Variants in DBT observed in about 807,000 individuals in gnomAD.
DBT encodes dihydrolipoamide branched chain transacylase E2.
Under a neutral mutation model 51.3 loss-of-function variants are expected in DBT, and 40 were observed. The ratio of observed to expected loss-of-function variants is 0.78; its 90% CI spans 0.61 to 1.02. The LOEUF (loss-of-function observed/expected upper bound fraction) is 1.02. Ranked by LOEUF, DBT falls within the 50% of genes least tolerant of loss-of-function variation. The pLI, the probability that DBT is intolerant of heterozygous loss-of-function variation, is 0.00. For missense variants in DBT, 510 were observed against 580.2 expected (o/e 0.88, Z 1.24); for synonymous variants, 181 against 190.4 (o/e 0.95, Z 0.41).
intron 3 of DBT, among the ~76,000 whole-genome samples, chr1:100,233,329 A>T (rs1273379829): frequency 6.6e-6 from 1 of 152,072 alleles, no homozygotes; most frequent in Non-Finnish European, 1.5e-5. Flanking sequence ...AAATTTAAGT[A>T]TTTTTTTTCT....
At chr1:100,206,010 G>A (rs1372538928) in intron 10 of DBT, among the ~76,000 whole-genome samples, 1 of 150,568 alleles carries the variant, frequency 6.6e-6, no homozygotes, top group Non-Finnish European at 1.5e-5. Flanking sequence ...AAACCACCAT[G>A]GCAGGTGTAT....
At chr1:100,223,471 G>T (rs1250966989) in intron 4 of DBT, among the ~76,000 whole-genome samples, 1 of 152,100 alleles carries the variant, frequency 6.6e-6, no homozygotes, top group Non-Finnish European at 1.5e-5. Context: ...TGTTTTGTGT[G>T]TGCGTGTTTT....
At position 100,214,583 on chromosome 1, in the gene DBT, C is replaced by A. The variant is rs939140082; in HGVS notation, c.939+234G>T. On this transcript the variant is annotated intron_variant, in intron 7 of 10. Coordinates refer to ENST00000370132, the MANE Select transcript of DBT (RefSeq NM_001918.5). The stretch of plus-strand genomic sequence containing the variant: ...CAGCCTGACCAACATGGCGAAACCA[C>A]GTGTCTACTAAAAATACAAAATTAG... 3.9e-5 allele frequency among the ~76,000 whole-genome samples: 6 copies of A among 152,150 alleles called. No individual in the cohort carries two copies. The East Asian group carries it at 1.2e-3, about 29-fold the overall frequency.
chr1:100,222,375 T>C (rs1662900385), intron 4 of DBT, among the ~76,000 whole-genome samples: 1 of 152,222 alleles, frequency 6.6e-6, no homozygotes, highest in Non-Finnish European at 1.5e-5. Context: ...TTGTAAATAA[T>C]GCATATGTAA....
Position 100,240,760 on chromosome 1 carries a change from C to G in DBT, c.175+1G>C. 2 of 1,593,948 alleles carry G rather than the reference C, an allele frequency of 1.3e-6. No individual in the cohort carries two copies. Among genetic ancestry groups the G allele is most frequent in the Non-Finnish European group, 1.7e-6 (2 of 1,163,134 alleles). The stretch of plus-strand genomic sequence containing the variant: ...ACACGTTATTTTGAAATCATACTTA[C>G]CAGCAGTTGTTTTCAGGAAGTGATG... On this transcript the variant is annotated splice_donor_variant, in intron 2 of 10. Transcript: ENST00000370132. LOFTEE classifies it high-confidence loss of function.
rs1421063351 is a variant in DBT at position 100,196,277 on chromosome 1, A to C, written c.1427T>G (p.Phe476Cys). 3 of 1,614,010 alleles carry C rather than the reference A, an allele frequency of 1.9e-6. No individual in the cohort carries two copies. The highest frequency in any genetic ancestry group is 2.5e-6 in the Non-Finnish European group (3 of 1,179,984). The change falls in exon 11 of 11, where the codon TTT becomes TGT. Residue 476 changes from phenylalanine (F) to cysteine (C), a missense_variant. Transcript: ENST00000370132. ...LWKSYLENPA[F>C]MLLDLK is the part of the protein sequence containing the mutation. ...TCTTCATTTCAGATCTAGTAGCATA[A>C]AAGCTGGGTTTTCTAAATAGGATTT...
intron 8 of DBT, among the ~76,000 whole-genome samples, chr1:100,208,754 A>G (rs1361039349): frequency 6.6e-6 from 1 of 151,344 alleles, no homozygotes; most frequent in Non-Finnish European, 1.5e-5. Flanking sequence ...AAAAAAGTAC[A>G]AAAATTAGCT....
intron 10 of DBT, among the ~76,000 whole-genome samples, chr1:100,201,677 G>A (rs1661441951): frequency 6.6e-6 from 1 of 152,172 alleles, no homozygotes. Flanking sequence ...TACCCACAAA[G>A]GGAAGCCCAT....
rs897279889 is a variant in DBT at position 100,202,384 on chromosome 1, A to G, written c.1281+3846T>C. Among the ~76,000 whole-genome samples, 6 of 152,216 alleles carry G rather than the reference A, an allele frequency of 3.9e-5. No individual in the cohort carries two copies. The East Asian group carries it at 9.6e-4, about 24-fold the overall frequency. On this transcript the variant is annotated intron_variant, in intron 10 of 10. Transcript: ENST00000370132. ...ACTATCCTAAATATATATGCACCCA[A>G]TACAGGAGCATCCAGATTCATAAAG...
intron 10 of DBT, among the ~76,000 whole-genome samples, chr1:100,202,701 C>G (rs62243433): frequency 2.0e-5 from 3 of 152,206 alleles, no homozygotes; most frequent in Admixed American, 2.0e-4. Context: ...TCAGCAAATG[C>G]AAAAGAATGG....
chr1:100,211,594 C>A (rs1441686372), intron 7 of DBT, among the ~76,000 whole-genome samples: 1 of 152,106 alleles, frequency 6.6e-6, no homozygotes, highest in Non-Finnish European at 1.5e-5. Context: ...CTTCTCAGTG[C>A]ATCGGGGTCT....
At chr1:100,241,757 G>A (rs1371623321) in intron 1 of DBT, among the ~76,000 whole-genome samples, 1 of 152,110 alleles carries the variant, frequency 6.6e-6, no homozygotes, top group African/African-American at 2.4e-5. Flanking sequence ...GGTGGCTCAC[G>A]CCTGTAATCC....
chr1:100,213,729 G>T (rs776817124), intron 7 of DBT: 11 of 1,559,910 alleles, frequency 7.1e-6, no homozygotes, highest in Non-Finnish European at 9.5e-6. Flanking sequence ...TGTAAATGTT[G>T]TGTTCAATAG....
intron 5 of DBT, 113 bp downstream of exon 5, chr1:100,218,513 A>G: frequency 8.3e-7 from 1 of 1,203,946 alleles, no homozygotes; most frequent in Non-Finnish European, 1.2e-6. Flanking sequence ...AAATATCTTC[A>G]TGTTTCCTTA....
At position 100,189,958 on chromosome 1, in the gene DBT, G is replaced by A. The variant is rs1660736931; in HGVS notation, c.*6297C>T. 6.6e-6 allele frequency: 1 copy of A among 152,116 alleles called. No individual in the cohort carries two copies. The highest frequency in any genetic ancestry group is 2.4e-5 in the African/African-American group (1 of 41,402). 9.4% of individuals were successfully genotyped at this position (152,116 alleles called of 1,614,324 possible). On this transcript the variant is annotated 3_prime_UTR_variant, in exon 11 of 11. Coordinates refer to ENST00000370132, the MANE Select transcript of DBT (RefSeq NM_001918.5). ...CTATTTAAATTTAAATTTAATTAGT[G>A]TGGCTACTGAGCAATTGAAATGTGG...
intron 1 of DBT, among the ~76,000 whole-genome samples, chr1:100,244,882 G>C (rs1664451652): frequency 6.6e-6 from 1 of 152,104 alleles, no homozygotes; most frequent in Non-Finnish European, 1.5e-5. Context: ...GGAGAGTACT[G>C]TATAGTATTT....
At chr1:100,234,734 CA>C (rs1388298155) in intron 3 of DBT, among the ~76,000 whole-genome samples, 2 of 152,112 alleles carry the variant, frequency 1.3e-5, no homozygotes, top group African/African-American at 2.4e-5. Context: ...CCCACAGTGC[CA>C]CCAGAGACAT....
At chr1:100,209,157 G>T (rs1661982703) in intron 8 of DBT, among the ~76,000 whole-genome samples, 2 of 150,456 alleles carry the variant, frequency 1.3e-5, no homozygotes, top group African/African-American at 4.9e-5. Flanking sequence ...GAGTGCAGTG[G>T]CATGATCACA....
chr1:100,222,131 A>C (rs1662886477), intron 4 of DBT, among the ~76,000 whole-genome samples: 1 of 152,210 alleles, frequency 6.6e-6, no homozygotes, highest in Non-Finnish European at 1.5e-5. Context: ...TTTAATCTAC[A>C]ATAGGCTATA....
Sources: allele counts gnomAD v4.1 joint callset (sites outside exome capture counted in the v4.1 genomes callset), GRCh38; gene constraint gnomAD v4.1.1; transcripts MANE v1.5; gene names NCBI Gene and HGNC (gene_info 2026-07-23, HGNC 2026-07-21).